Variants in DNAH10 observed in about 807,000 individuals in gnomAD.
DNAH10 encodes the protein dynein axonemal heavy chain 10, also known as axonemal beta dynein heavy chain 10.
In DNAH10, 348 loss-of-function variants were observed where a neutral mutation model predicts 506.6. That is an observed-to-expected ratio of 0.69 (90% CI 0.63 to 0.75). The LOEUF is 0.75. Ranked by LOEUF, DNAH10 falls within the 30% of genes least tolerant of loss-of-function variation. The pLI is 0.00. For synonymous variants in DNAH10, 2,059 were observed against 2,198.6 expected, an observed-to-expected ratio of 0.94 and a Z score of 1.78; for missense variants, 5,179 against 5,787.1, an observed-to-expected ratio of 0.89 and a Z score of 3.41.
chr12:123,813,740 A>T lies in DNAH10; in HGVS notation c.3622-14A>T. ...TCTGTGTTTGCTTAGTGTTCTTTGTACTTTCTGTTATAGCACCTGGCCAAA... is the reference window on the plus strand; with the variant it reads ...TCTGTGTTTGCTTAGTGTTCTTTGTTCTTTCTGTTATAGCACCTGGCCAAA... On this transcript the variant is annotated splice_polypyrimidine_tract_variant and intron_variant, in intron 20 of 78. Transcript: ENST00000673944. The T allele has an allele frequency of 4.3e-6, 7 of 1,613,290 alleles. No individual in the cohort carries two copies. The highest frequency in any genetic ancestry group is 5.1e-6 in the Non-Finnish European group (6 of 1,179,868).
At chr12:123,843,681 G>A (rs1028217541) in intron 30 of DNAH10, among the ~76,000 whole-genome samples, 3 of 152,120 alleles carry the variant, frequency 2.0e-5, no homozygotes, top group Admixed American at 6.5e-5. Context: ...AGGTTCAAGC[G>A]ATTCTCCTGC....
At chr12:123,812,748 G>A (rs1048065805) in intron 19 of DNAH10, among the ~76,000 whole-genome samples, 11 of 152,184 alleles carry the variant, frequency 7.2e-5, no homozygotes, top group African/African-American at 1.7e-4. Flanking sequence ...GGGCTCACTC[G>A]TGTCTAGCAG....
At chr12:123,771,479 C>T in intron 2 of DNAH10, 122 bp from the exon 3 acceptor site, 2 of 764,732 alleles carry the variant, frequency 2.6e-6, no homozygotes, top group South Asian at 3.0e-5. Context: ...AAGGTATGCA[C>T]AGCTATTTGA....
In DNAH10 at chr12:123,799,277, C is replaced by G; in HGVS notation, c.2195C>G (p.Thr732Arg). 6.2e-7 allele frequency: 1 copy of G among 1,613,318 alleles called. No homozygotes were observed. The highest frequency in any genetic ancestry group is 8.5e-7 in the Non-Finnish European group (1 of 1,179,638). ...CAAAAATATTTGGAAGTAGGTAGGACAATGAAGGAGTATGAAGACAGAAAG... is the reference window on the plus strand; with the variant it reads ...CAAAAATATTTGGAAGTAGGTAGGAGAATGAAGGAGTATGAAGACAGAAAG... ...VKQKYLEVGR[T>R]MKEYEDRKYE... The change falls in exon 14 of 79, where the codon ACA (threonine) becomes AGA (arginine). Residue 732 changes from threonine to arginine, a missense_variant. Thr to Arg is a moderately conservative substitution (Grantham distance 71). Transcript: ENST00000673944.
At chr12:123,772,110 G>T (rs1957273742) in intron 3 of DNAH10, among the ~76,000 whole-genome samples, 2 of 152,142 alleles carry the variant, frequency 1.3e-5, no homozygotes. Flanking sequence ...TTGCTGTCTG[G>T]GGTTTTTAAT....
chr12:123,781,425 G>C, intron 6 of DNAH10, 126 bp downstream of exon 6: 1 of 927,596 alleles, frequency 1.1e-6, no homozygotes, highest in Non-Finnish European at 1.6e-6. Flanking sequence ...TGTGGAGACG[G>C]GGTCTCACTT....
intron 23 of DNAH10, 92 bp from the exon 24 acceptor site, chr12:123,820,488 T>C: frequency 7.6e-7 from 1 of 1,309,892 alleles, no homozygotes; most frequent in East Asian, 2.4e-5. Flanking sequence ...GAGGATGAAA[T>C]TATAATTGAG....
In DNAH10 at chr12:123,787,690, C is replaced by G. The variant is rs1374444365; in HGVS notation, c.1422-114C>G. ...TGCCTTTTCCGATGAGGCCGTGAAA[C>G]CAGGGGGGGCGCCCGGGTCAGAGCT... On this transcript the variant is annotated intron_variant, in intron 9 of 78. Transcript: ENST00000673944. This position sits in a 1 kb window ranked among gnomAD's most constrained non-coding sequence, Gnocchi z 4.6. 2.3e-6 allele frequency: 3 copies of G among 1,320,554 alleles called. No individual in the cohort carries two copies. The highest frequency in any genetic ancestry group is 2.1e-6 in the Non-Finnish European group (2 of 954,308). The allele number at this position is 1,320,554 out of a possible 1,614,324, so 81.8% of individuals were successfully genotyped here.
chr12:123,906,669 T>C (rs1227638267), intron 57 of DNAH10, among the ~76,000 whole-genome samples: 1 of 152,264 alleles, frequency 6.6e-6, no homozygotes, highest in African/African-American at 2.4e-5. Context: ...AAATCTTTTA[T>C]CTATTGAGGA....
At position 123,802,729 on chromosome 12, in the gene DNAH10, A is replaced by C. The variant is rs535949990; in HGVS notation, c.2615-932A>C. ...CTGCATCCTGGCCAGTTTTGCTGTC[A>C]CTTTTTTTTTTTTTTTTTAATTTTG... On this transcript the variant is annotated intron_variant, in intron 16 of 78. Transcript: ENST00000673944. 3.1e-3 allele frequency among the ~76,000 whole-genome samples: 387 copies of C among 125,956 alleles called. 2 individuals carry two copies. Among genetic ancestry groups the C allele is most frequent in the Admixed American group, 6.3e-3 (83 of 13,088 alleles). The allele number at this position is 125,956 out of a possible 152,430, so 82.6% of individuals were successfully genotyped here.
In DNAH10 at chr12:123,762,347, T is replaced by TGCG. The variant is rs1479487532; in HGVS notation, c.13_15dup (p.Arg5dup). On this transcript the variant is annotated inframe_insertion, in exon 1 of 79. Coordinates refer to ENST00000673944, the MANE Select transcript of DNAH10 (RefSeq NM_001372106.1). This position sits in a 1 kb window ranked among gnomAD's most constrained non-coding sequence, Gnocchi z 5.0. ...GCACTGCGCGGCGCCATGGACGACC[T>TGCG]GCGGGTGCTGTGGATGCGCGACCGC... is the stretch of plus-strand genomic sequence containing the variant. 1 of 1,350,236 alleles carries TGCG rather than the reference T, an allele frequency of 7.4e-7. No individual in the cohort carries two copies. The highest frequency in any genetic ancestry group is 9.5e-7 in the Non-Finnish European group (1 of 1,049,180). The allele number at this position is 1,350,236 out of a possible 1,614,324, so 83.6% of individuals were successfully genotyped here. A position where few individuals can be genotyped will look rare whatever the true frequency, so the allele number is the denominator to read the frequency against.
intron 53 of DNAH10, 136 bp downstream of exon 53, chr12:123,893,572 C>T (rs1953084978): frequency 1.0e-6 from 1 of 980,934 alleles, no homozygotes; most frequent in Admixed American, 2.2e-5. Flanking sequence ...GTGGGCTCTG[C>T]ACTGTAGCTT....
At chr12:123,870,517 T>A in intron 44 of DNAH10, 32 bp downstream of exon 44, 2 of 1,605,658 alleles carry the variant, frequency 1.2e-6, no homozygotes, top group Non-Finnish European at 1.7e-6. Context: ...GTTCCTGGGT[T>A]TAGGAGTGTG....
At chr12:123,848,592 T>G (rs1250466176) in intron 33 of DNAH10, 138 bp from the exon 34 acceptor site, 1 of 1,231,480 alleles carries the variant, frequency 8.1e-7, no homozygotes, top group Non-Finnish European at 1.1e-6. Context: ...AATCCACTAG[T>G]CAAGTGGCTG....
intron 25 of DNAH10, among the ~76,000 whole-genome samples, chr12:123,827,833 C>A (rs1960147826): frequency 6.6e-6 from 1 of 152,186 alleles, no homozygotes; most frequent in Non-Finnish European, 1.5e-5. Flanking sequence ...AGCCCTCAGG[C>A]CCTGGTGACG....
At chr12:123,789,580 C>T (rs1386706552) in intron 10 of DNAH10, among the ~76,000 whole-genome samples, 5 of 152,116 alleles carry the variant, frequency 3.3e-5, no homozygotes, top group Admixed American at 2.0e-4. Context: ...GACAGGGTTT[C>T]GCCATGTTTG....
chr12:123,843,703 G>A (rs1422608605), intron 30 of DNAH10, among the ~76,000 whole-genome samples: 2 of 152,090 alleles, frequency 1.3e-5, no homozygotes, highest in African/African-American at 4.8e-5. Flanking sequence ...TTAGACTTCT[G>A]AGTAGTTGGG....
At chr12:123,893,106 GGCCCACACGCT>G in intron 52 of DNAH10, 116 bp from the exon 53 acceptor site, 1 of 994,362 alleles carries the variant, frequency 1.0e-6, no homozygotes, top group East Asian at 2.6e-5. Context: ...TCTCAGGTCA[GGCCCACACGCT>G]GCTCTCTGGA....
rs554890769 is a variant in DNAH10, at chr12:123,813,217, G to A, written c.3198G>A (p.Gly1066=). Residue 1066 remains glycine, a synonymous_variant, in exon 20 of 79, where the codon GGG becomes GGA. Transcript: ENST00000673944. ...GCATAGAATGCCCACCTCAGAAGGGGGAGGAAGAGGAAGTTGTTATAATAA... is the reference window on the plus strand; with the variant it reads ...GCATAGAATGCCCACCTCAGAAGGGAGAGGAAGAGGAAGTTGTTATAATAA... ...GSCIECPPQK[G]EEEEVVIINF... is the part of the protein sequence containing the mutation. 1.9e-6 allele frequency: 3 copies of A among 1,613,918 alleles called. No homozygotes were observed. The highest frequency in any genetic ancestry group is 2.2e-5 in the East Asian group (1 of 44,884).
Sources: allele counts gnomAD v4.1 joint callset (sites outside exome capture counted in the v4.1 genomes callset), GRCh38; gene constraint gnomAD v4.1.1; non-coding constraint Gnocchi (gnomAD v3.1); transcripts MANE v1.5; gene names NCBI Gene and HGNC (gene_info 2026-07-23, HGNC 2026-07-21).